Variants in UHRF1 observed in about 807,000 individuals in gnomAD.
UHRF1 encodes the protein E3 ubiquitin-protein ligase UHRF1.
Under a neutral mutation model 96.5 loss-of-function variants are expected in UHRF1, and 9 were observed. The ratio of observed to expected loss-of-function variants is 0.09; its 90% confidence interval spans 0.06 to 0.16. UHRF1 has a LOEUF of 0.16. Ranked by LOEUF, UHRF1 falls within the 10% of genes least tolerant of loss-of-function variation. The probability of loss-of-function intolerance (pLI) is 1.00; values close to 1 mark genes in which losing one functional copy is unlikely to be tolerated. For missense variants in UHRF1, 626 were observed against 1,131.1 expected (o/e 0.55, Z 6.40); for synonymous variants, 455 against 469.9 (o/e 0.97, Z 0.41).
At chr19:4,958,836 G>A (rs1240954330) in intron 16 of UHRF1, among the ~76,000 whole-genome samples, 1 of 151,862 alleles carries the variant, frequency 6.6e-6, no homozygotes, top group African/African-American at 2.4e-5. Context: ...TTAGCTGGGT[G>A]AGGTGACAGG....
intron 16 of UHRF1, among the ~76,000 whole-genome samples, chr19:4,959,103 T>G (rs1459176644): frequency 6.7e-6 from 1 of 150,102 alleles, no homozygotes; most frequent in Non-Finnish European, 1.5e-5. Context: ...TGCCTTAGCC[T>G]CCTGAGTAGC....
chr19:4,904,660 T>C (rs560868614), upstream of UHRF1, among the ~76,000 whole-genome samples: 1 of 152,302 alleles, frequency 6.6e-6, no homozygotes, highest in Admixed American at 6.5e-5. Flanking sequence ...GGATGGGAAG[T>C]CCCTCCAGGG....
intron 2 of UHRF1, among the ~76,000 whole-genome samples, chr19:4,925,948 A>G (rs1055134535): frequency 4.6e-5 from 7 of 151,032 alleles, no homozygotes; most frequent in African/African-American, 1.7e-4. Context: ...CCCAGGCTGG[A>G]GTGCAGTGGT....
rs761662737 is a variant in UHRF1, at chr19:4,932,810, G to T, written c.639G>T (p.Lys213Asn). ...DVRARARTIIKWQDLEVGQVV... is the reference protein window; with the variant it reads ...DVRARARTIINWQDLEVGQVV... The stretch of plus-strand genomic sequence containing the variant: ...GAGCGCGCGCCCGCACCATCATCAA[G>T]TGGCAGGACCTGGAGGTGGGCCAGG... The change falls in exon 5 of 17, where the codon AAG (lysine) becomes AAT (asparagine). Residue 213 changes from lysine (K) to asparagine (N), a missense_variant. Lys to Asn is a moderately conservative substitution (Grantham distance 94, BLOSUM62 0). Around this residue, in one of 11 missense-constraint regions of UHRF1, gnomAD observed 198 missense variants for 235.1 expected, o/e 0.84. Transcript: ENST00000650932. The T allele has an allele frequency of 1.2e-6, 2 of 1,613,926 alleles. No homozygotes were observed. Among genetic ancestry groups the T allele is most frequent in the Non-Finnish European group, 1.7e-6 (2 of 1,179,900 alleles).
chr19:4,956,721 C>T lies in UHRF1; in HGVS notation c.2143C>T (p.Leu715=), dbSNP rs1280707203. The T allele has an allele frequency of 6.2e-7, 1 of 1,611,200 alleles. No homozygotes were observed. The highest frequency in any genetic ancestry group is 1.1e-5 in the South Asian group (1 of 90,376). Residue 715 remains leucine, a synonymous_variant, in exon 16 of 17, where the codon CTG becomes TTG. Coordinates refer to ENST00000650932, the MANE Select transcript of UHRF1 (RefSeq NM_001048201.3). ...PASGSPFQLF[L]SKVEETFQCI... ...CGCTTCCCTCTAGTTCCAGTTGTTC[C>T]TGAGTAAAGTGGAGGAGACGTTCCA...
chr19:4,925,877 GTT>G (rs1555747380), intron 2 of UHRF1, among the ~76,000 whole-genome samples: 15 of 108,686 alleles, frequency 1.4e-4, no homozygotes, highest in Admixed American at 8.1e-4. Flanking sequence ...CCTCTCACCT[GTT>G]TTTTCTTTTC....
At chr19:4,926,524 C>T (rs907889620) in intron 2 of UHRF1, among the ~76,000 whole-genome samples, 12 of 152,108 alleles carry the variant, frequency 7.9e-5, no homozygotes, top group African/African-American at 2.9e-4. Flanking sequence ...CATATTCAAA[C>T]GGGTTTTTCT....
At chr19:4,952,094 T>G (rs1042249925) in intron 13 of UHRF1, among the ~76,000 whole-genome samples, 2 of 152,072 alleles carry the variant, frequency 1.3e-5, no homozygotes, top group Admixed American at 6.6e-5. Flanking sequence ...GTAGGATTTT[T>G]TTTGTTTGTT....
chr19:4,959,452 C>T (rs1337221914), intron 16 of UHRF1, among the ~76,000 whole-genome samples: 1 of 152,214 alleles, frequency 6.6e-6, no homozygotes, highest in Non-Finnish European at 1.5e-5. Flanking sequence ...ATGCTGCAGA[C>T]ATGTGCCCCC....
Position 4,918,177 on chromosome 19 carries a change from T to C in UHRF1, c.153+7139T>C, listed in dbSNP as rs548418890. Reference sequence around the variant, plus strand: ...CTCTGTTGCCCAAGCTGGAGTGCAGTGGCGTGATCTTGGCTCACTGCAACC... The same window carrying C: ...CTCTGTTGCCCAAGCTGGAGTGCAGCGGCGTGATCTTGGCTCACTGCAACC... On this transcript the variant is annotated intron_variant, in intron 2 of 16. Transcript: ENST00000650932. 3.3e-5 allele frequency among the ~76,000 whole-genome samples: 5 copies of C among 152,128 alleles called. 1 individual carries two copies. The highest frequency in any genetic ancestry group is 1.2e-4 in the African/African-American group (5 of 41,520).
chr19:4,924,742 T>G (rs1349305165), intron 2 of UHRF1, among the ~76,000 whole-genome samples: 2 of 152,002 alleles, frequency 1.3e-5, no homozygotes, highest in African/African-American at 4.8e-5. Flanking sequence ...TCGGTTACAG[T>G]TGATGGCCCG....
chr19:4,932,984 T>C (rs764482844), intron 5 of UHRF1, 28 bp downstream of exon 5: 1 of 1,568,172 alleles, frequency 6.4e-7, no homozygotes. Flanking sequence ...GGGCGAGCCC[T>C]TCCTCTCTCC....
rs71170880 is a variant in UHRF1, at chr19:4,938,730, G to GTTTTTTTTTTTTTTTTTTTTTTT, written c.786-2789_786-2767dup. Among the ~76,000 whole-genome samples the GTTTTTTTTTTTTTTTTTTTTTTT allele has an allele frequency of 3.6e-4, 22 of 61,588 alleles. 1 individual carries two copies. The highest frequency in any genetic ancestry group is 4.7e-4 in the Non-Finnish European group (16 of 34,020). The allele number at this position is 61,588 out of a possible 152,430, so 40.4% of individuals were successfully genotyped here. A position where few individuals can be genotyped will look rare whatever the true frequency, so the allele number is the denominator to read the frequency against. On this transcript the variant is annotated intron_variant, in intron 5 of 16. Coordinates refer to ENST00000650932, the MANE Select transcript of UHRF1 (RefSeq NM_001048201.3). ...GGCATAAGAGTTTTGTTTTGGTCAGGTTTTTTTTTTTTTTTTTTTTTTTTT... is the reference window on the plus strand; with the variant it reads ...GGCATAAGAGTTTTGTTTTGGTCAGGTTTTTTTTTTTTTTTTTTTTTTTTTTTTTTTTTTTTTTTTTTTTTTTT...
At chr19:4,941,273 T>A (rs1421241365) in intron 5 of UHRF1, among the ~76,000 whole-genome samples, 2 of 151,630 alleles carry the variant, frequency 1.3e-5, no homozygotes, top group African/African-American at 4.9e-5. Flanking sequence ...GTATTTTCAG[T>A]GGAGGCGGGG....
At chr19:4,943,072 T>C (rs1158891672) in intron 7 of UHRF1, among the ~76,000 whole-genome samples, 1 of 151,944 alleles carries the variant, frequency 6.6e-6, no homozygotes. Context: ...ACCCCGTCTC[T>C]ACTAAAAATA....
chr19:4,919,318 T>C (rs1027100264), intron 2 of UHRF1, among the ~76,000 whole-genome samples: 4 of 151,676 alleles, frequency 2.6e-5, no homozygotes, highest in South Asian at 4.2e-4. Flanking sequence ...TTTTTTTTTT[T>C]CTGAGGCAGA....
At chr19:4,914,893 C>G (rs1171052843) in intron 2 of UHRF1, among the ~76,000 whole-genome samples, 1 of 152,078 alleles carries the variant, frequency 6.6e-6, no homozygotes, top group Admixed American at 6.6e-5. Flanking sequence ...GTGCCAGGCT[C>G]ACAATGAAAG....
At chr19:4,916,157 T>G (rs1432387769) in intron 2 of UHRF1, among the ~76,000 whole-genome samples, 1 of 151,868 alleles carries the variant, frequency 6.6e-6, no homozygotes, top group Non-Finnish European at 1.5e-5. Flanking sequence ...AAAATGAAAA[T>G]TAGCCGGGCA....
chr19:4,960,575 T>C (rs1227791940), intron 16 of UHRF1, 82 bp from the exon 17 acceptor site: 1 of 1,435,344 alleles, frequency 7.0e-7, no homozygotes, highest in South Asian at 1.2e-5. Flanking sequence ...GGTGAGACTG[T>C]CCCCACAGTC....
Sources: gnomAD v4.1 joint callset for allele counts (sites outside exome capture counted in the v4.1 genomes callset) on GRCh38, gnomAD v4.1.1 for gene constraint, gnomAD v4.1.1 regional missense constraint, MANE v1.5 for transcripts, NCBI Gene and HGNC (gene_info 2026-07-23, HGNC 2026-07-21) for gene names.